FGF12: variants seen among roughly 807,000 people sequenced by gnomAD.
FGF12 encodes the protein fibroblast growth factor 12B.
In FGF12, 14 loss-of-function variants were observed where a neutral mutation model predicts 23.6. The ratio of observed to expected loss-of-function variants is 0.59; its 90% confidence interval spans 0.39 to 0.93. FGF12 has a LOEUF of 0.93. Among genes scored for constraint, FGF12 ranks in the 40% least tolerant of loss-of-function variants. The pLI is 0.00. For missense variants in FGF12, 175 were observed against 217.8 expected, an observed-to-expected ratio of 0.80 and a Z score of 1.24; for synonymous variants, 62 against 77.3, an observed-to-expected ratio of 0.80 and a Z score of 1.04.
intron 2 of FGF12, among the ~76,000 whole-genome samples, chr3:192,485,835 T>G (rs1317578613): frequency 3.9e-5 from 6 of 152,164 alleles, no homozygotes; most frequent in Non-Finnish European, 5.9e-5. Flanking sequence ...TGAGATAATT[T>G]TATGTCATTA....
intron 4 of FGF12, among the ~76,000 whole-genome samples, chr3:192,204,485 GTAAAGT>G (rs1224958391): frequency 6.6e-6 from 1 of 152,178 alleles, no homozygotes. Context: ...AGCAAGAATT[GTAAAGT>G]GCCACAATCC....
At chr3:192,595,800 A>G (rs930575495) in intron 2 of FGF12, among the ~76,000 whole-genome samples, 5 of 152,170 alleles carry the variant, frequency 3.3e-5, no homozygotes, top group Non-Finnish European at 5.9e-5. Context: ...ACTTATTTTT[A>G]AAAAACTTTG....
intron 2 of FGF12, among the ~76,000 whole-genome samples, chr3:192,531,563 G>T (rs1725090908): frequency 6.6e-6 from 1 of 151,912 alleles, no homozygotes; most frequent in Admixed American, 6.6e-5. Flanking sequence ...TTTTTCTCCG[G>T]TCAGAACCTA....
chr3:192,200,402 C>T (rs1016709789), intron 4 of FGF12, among the ~76,000 whole-genome samples: 8 of 152,090 alleles, frequency 5.3e-5, no homozygotes, highest in African/African-American at 1.9e-4. Flanking sequence ...AATGAGAATG[C>T]CAATCAAACA....
At chr3:192,559,897 A>T (rs1311441978) in intron 2 of FGF12, among the ~76,000 whole-genome samples, 10 of 152,122 alleles carry the variant, frequency 6.6e-5, no homozygotes, top group Admixed American at 6.5e-4. Flanking sequence ...AACCATTTTA[A>T]CCTAATTGAT....
At chr3:192,145,559 G>A (rs1453215232) in intron 5 of FGF12, among the ~76,000 whole-genome samples, 2 of 152,162 alleles carry the variant, frequency 1.3e-5, no homozygotes, top group Non-Finnish European at 2.9e-5. Context: ...CTCAGGTGAT[G>A]TTGATGCTGA....
intron 2 of FGF12, among the ~76,000 whole-genome samples, chr3:192,545,691 G>C (rs184521796): frequency 1.7e-4 from 26 of 152,276 alleles, no homozygotes; most frequent in African/African-American, 5.8e-4. Context: ...ATAAAATATT[G>C]TAATTCTTCA....
chr3:192,274,685 G>A (rs1713669556), intron 4 of FGF12, among the ~76,000 whole-genome samples: 1 of 152,164 alleles, frequency 6.6e-6, no homozygotes, highest in African/African-American at 2.4e-5. Context: ...AATAATATGT[G>A]AATACTTTAA....
chr3:192,636,407 C>T (rs541384311), intron 2 of FGF12, among the ~76,000 whole-genome samples: 21 of 152,318 alleles, frequency 1.4e-4, no homozygotes, highest in African/African-American at 4.1e-4. Context: ...ACATTTCCAT[C>T]GCTGCAGAAA....
At chr3:192,580,007 A>C (rs1479591653) in intron 2 of FGF12, among the ~76,000 whole-genome samples, 2 of 152,166 alleles carry the variant, frequency 1.3e-5, no homozygotes, top group Admixed American at 6.5e-5. Flanking sequence ...AGTAGAGAGA[A>C]ATGGTGATGA....
At chr3:192,429,728 G>A (rs2108789375) in intron 2 of FGF12, among the ~76,000 whole-genome samples, 1 of 152,162 alleles carries the variant, frequency 6.6e-6, no homozygotes, top group East Asian at 1.9e-4. Context: ...GTTTATCTTG[G>A]CAAATGAGGT....
intron 3 of FGF12, among the ~76,000 whole-genome samples, chr3:192,345,201 C>A (rs1011308843): frequency 6.6e-6 from 1 of 152,158 alleles, no homozygotes; most frequent in Non-Finnish European, 1.5e-5. Flanking sequence ...AGAGATGGTA[C>A]CTGCCATCAT....
At chr3:192,711,308 CA>C (rs1560202237) in intron 2 of FGF12, among the ~76,000 whole-genome samples, 3 of 137,574 alleles carry the variant, frequency 2.2e-5, no homozygotes, top group South Asian at 2.4e-4. Flanking sequence ...CCCACCCAGC[CA>C]GCCGCCCCAT....
chr3:192,147,471 A>G (rs1380992), intron 5 of FGF12, among the ~76,000 whole-genome samples: 91,496 of 152,074 alleles, frequency 0.6, 28,873 homozygotes, highest in Non-Finnish European at 0.71. Flanking sequence ...AAACAAAATT[A>G]AGGAAGGAAA....
chr3:192,636,775 C>T (rs528389474), intron 2 of FGF12, among the ~76,000 whole-genome samples: 33 of 152,210 alleles, frequency 2.2e-4, no homozygotes, highest in African/African-American at 7.7e-4. Context: ...AGAGCAACAG[C>T]GATGTTATCA....
chr3:192,464,929 G>T (rs1722968523), intron 2 of FGF12, among the ~76,000 whole-genome samples: 1 of 152,160 alleles, frequency 6.6e-6, no homozygotes, highest in Admixed American at 6.5e-5. Context: ...TGGAGGAGAA[G>T]TTCCTATCTC....
At chr3:192,220,630 A>G (rs1325216608) in intron 4 of FGF12, among the ~76,000 whole-genome samples, 1 of 152,206 alleles carries the variant, frequency 6.6e-6, no homozygotes, top group Non-Finnish European at 1.5e-5. Context: ...CACAGACAAC[A>G]TATTAGTTGT....
chr3:192,438,606 G>A (rs1722098970), intron 2 of FGF12, among the ~76,000 whole-genome samples: 1 of 152,160 alleles, frequency 6.6e-6, no homozygotes, highest in African/African-American at 2.4e-5. Context: ...CCTCTGAAGG[G>A]TAAAAGCCAG....
chr3:192,230,299 A>T (rs1718955284), intron 4 of FGF12, among the ~76,000 whole-genome samples: 1 of 152,154 alleles, frequency 6.6e-6, no homozygotes, highest in Non-Finnish European at 1.5e-5. Flanking sequence ...AGACAGATAC[A>T]TATATGGTGT....
Sources: allele counts gnomAD v4.1 joint callset (sites outside exome capture counted in the v4.1 genomes callset), GRCh38; gene constraint gnomAD v4.1.1; transcripts MANE v1.5; gene names NCBI Gene and HGNC (gene_info 2026-07-23, HGNC 2026-07-21).